ROBO2: variants seen among roughly 807,000 people sequenced by gnomAD.
ROBO2 encodes the protein roundabout homolog 2.
Under a neutral mutation model 160.8 loss-of-function variants are expected in ROBO2, and 53 were observed. The ratio of observed to expected loss-of-function variants is 0.33; its 90% CI spans 0.26 to 0.41. The LOEUF (loss-of-function observed/expected upper bound fraction) is 0.41. ROBO2 is among the 10% of genes least tolerant of loss of function. The pLI is 1.00. For missense variants in ROBO2, 1,577 were observed against 1,722.4 expected (o/e 0.92, Z 1.49); for synonymous variants, 664 against 611.7 (o/e 1.09, Z -1.26).
chr3:76,938,991 A>AG (rs2149098822), intron 2 of ROBO2, among the ~76,000 whole-genome samples: 1 of 129,302 alleles, frequency 7.7e-6, no homozygotes, highest in East Asian at 2.3e-4. Context: ...AAAAAAAAAA[A>AG]AAAAAGTAGC....
intron 5 of ROBO2, among the ~76,000 whole-genome samples, chr3:77,520,918 A>G (rs2090526774): frequency 6.6e-6 from 1 of 151,312 alleles, no homozygotes; most frequent in Non-Finnish European, 1.5e-5. Flanking sequence ...ATCTGCATGC[A>G]TTTTAGCCTA....
intron 2 of ROBO2, among the ~76,000 whole-genome samples, chr3:76,958,159 A>G (rs943509692): frequency 2.0e-5 from 3 of 152,164 alleles, no homozygotes; most frequent in African/African-American, 7.2e-5. Context: ...GCCTCGTTTC[A>G]TTGCTGCGAC....
chr3:76,337,472 C>T (rs1328167037), intron 2 of ROBO2, among the ~76,000 whole-genome samples: 1 of 152,140 alleles, frequency 6.6e-6, no homozygotes, highest in Non-Finnish European at 1.5e-5. Context: ...GCTAACAAAA[C>T]CATTTTATTT....
chr3:76,131,171 A>T (rs560238690), intron 2 of ROBO2, among the ~76,000 whole-genome samples: 1 of 152,184 alleles, frequency 6.6e-6, no homozygotes, highest in Non-Finnish European at 1.5e-5. Flanking sequence ...TTCCTTTTAC[A>T]TAAGTGCTTG....
intron 2 of ROBO2, among the ~76,000 whole-genome samples, chr3:76,555,423 AGG>A (rs1491284487): frequency 0.056 from 4,207 of 74,738 alleles, 242 homozygotes; most frequent in Non-Finnish European, 0.081. Context: ...AGAAGAAAGA[AGG>A]AGAAGGGGAA....
intron 2 of ROBO2, among the ~76,000 whole-genome samples, chr3:76,086,957 C>G (rs2069039587): frequency 6.6e-6 from 1 of 151,988 alleles, no homozygotes; most frequent in African/African-American, 2.4e-5. Context: ...CCTCTCTGAG[C>G]TGGAGAATAT....
intron 2 of ROBO2, among the ~76,000 whole-genome samples, chr3:76,892,811 GA>G (rs1247014029): frequency 6.6e-6 from 1 of 152,142 alleles, no homozygotes; most frequent in Non-Finnish European, 1.5e-5. Flanking sequence ...CTCTTCCCAA[GA>G]TGAAGATTTC....
intron 2 of ROBO2, among the ~76,000 whole-genome samples, chr3:76,847,477 A>G (rs2068882033): frequency 1.3e-5 from 2 of 152,324 alleles, no homozygotes; most frequent in Admixed American, 1.3e-4. Flanking sequence ...AGAACACCAC[A>G]TACTTGTATT....
chr3:76,234,858 G>A lies in ROBO2; in HGVS notation c.109+297256G>A, dbSNP rs186766918. On this transcript the variant is annotated intron_variant, in intron 2 of 26. Coordinates refer to the ROBO2 transcript ENST00000487694. ...TATGCCTGTTCATTATATTTTGGAA[G>A]AAGAAAACTCATTTCCTAGTTGAAA... Among the ~76,000 whole-genome samples, 207 of 152,188 alleles carry A rather than the reference G, an allele frequency of 1.4e-3. 1 individual carries two copies. The highest frequency in any genetic ancestry group is 2.3e-3 in the Non-Finnish European group (155 of 68,016).
At chr3:77,095,769 T>C (rs1227981097) in intron 1 of ROBO2, among the ~76,000 whole-genome samples, 1 of 152,208 alleles carries the variant, frequency 6.6e-6, no homozygotes, top group East Asian at 1.9e-4. Context: ...CTTTGGGGTC[T>C]TTCTTGATTA....
chr3:76,588,032 T>A (rs1362228537), intron 2 of ROBO2, among the ~76,000 whole-genome samples: 2 of 152,216 alleles, frequency 1.3e-5, no homozygotes, highest in African/African-American at 4.8e-5. Context: ...GTTATATTTA[T>A]AAAATTAATG....
At chr3:76,852,869 TA>T (rs1477907248) in intron 2 of ROBO2, among the ~76,000 whole-genome samples, 4 of 152,246 alleles carry the variant, frequency 2.6e-5, no homozygotes, top group African/African-American at 7.2e-5. Flanking sequence ...AATATAATAC[TA>T]AAAAATCTAT....
intron 2 of ROBO2, among the ~76,000 whole-genome samples, chr3:77,311,214 C>A (rs2063518469): frequency 6.6e-6 from 1 of 152,044 alleles, no homozygotes; most frequent in African/African-American, 2.4e-5. Flanking sequence ...TTCTTTATAG[C>A]TTTGTTTCTG....
intron 2 of ROBO2, among the ~76,000 whole-genome samples, chr3:77,314,289 G>T (rs1321446045): frequency 2.6e-5 from 4 of 152,132 alleles, no homozygotes; most frequent in Admixed American, 2.0e-4. Flanking sequence ...CCCAATTTAG[G>T]TTCCATTGCT....
chr3:77,647,770 C>T (rs1031997886), exon 26 of ROBO2: 1 of 152,082 alleles, frequency 6.6e-6, no homozygotes, highest in African/African-American at 2.4e-5. Flanking sequence ...TGGTACTCTT[C>T]TAAAAATATT....
intron 2 of ROBO2, among the ~76,000 whole-genome samples, chr3:76,996,713 T>C (rs918729436): frequency 6.6e-6 from 1 of 152,190 alleles, no homozygotes; most frequent in African/African-American, 2.4e-5. Flanking sequence ...GTCGAGTACA[T>C]TCTTACCAAG....
intron 2 of ROBO2, among the ~76,000 whole-genome samples, chr3:76,302,990 T>C (rs2071147484): frequency 6.6e-6 from 1 of 152,164 alleles, no homozygotes. Flanking sequence ...ATAAACATCC[T>C]GTTGGTATCT....
chr3:77,396,709 A>G (rs1033005853), intron 2 of ROBO2, among the ~76,000 whole-genome samples: 2 of 152,116 alleles, frequency 1.3e-5, no homozygotes, highest in Non-Finnish European at 2.9e-5. Flanking sequence ...TCAACTGCCA[A>G]TGAGGATGGA....
intron 2 of ROBO2, among the ~76,000 whole-genome samples, chr3:76,843,630 T>A (rs548993019): frequency 3.3e-5 from 5 of 152,218 alleles, no homozygotes; most frequent in African/African-American, 1.2e-4. Flanking sequence ...CTATCCCTTC[T>A]CAGTGTCTTC....
Sources: gnomAD v4.1 joint callset for allele counts (sites outside exome capture counted in the v4.1 genomes callset) on GRCh38, gnomAD v4.1.1 for gene constraint, MANE v1.5 for transcripts, NCBI Gene and HGNC (gene_info 2026-07-23, HGNC 2026-07-21) for gene names.